Variants in GABRA5 observed in about 807,000 individuals in gnomAD.
GABRA5 encodes the protein gamma-aminobutyric acid receptor subunit alpha-5.
GABRA5 carries 18 observed loss-of-function variants against 47.3 expected under a neutral mutation model. The observed-to-expected ratio is 0.38, with a 90% CI of 0.26 to 0.56. The LOEUF (loss-of-function observed/expected upper bound fraction) is 0.56, where lower values mean the gene tolerates loss of function less well. Among genes scored for constraint, GABRA5 ranks in the 20% least tolerant of loss-of-function variants. The pLI, the probability that GABRA5 is intolerant of heterozygous loss-of-function variation, is 0.71. For missense variants in GABRA5, 365 were observed against 599.3 expected (o/e 0.61, Z 4.08); for synonymous variants, 237 against 229.3 (o/e 1.03, Z -0.30).
At position 26,948,051 on chromosome 15, in the gene GABRA5, G is replaced by T. The variant is rs779166572; in HGVS notation, c.1207G>T (p.Val403Phe). ...AGCAGGGACGTCGAATACAACCTCA[G>T]TCTCAGTAAAACCCTCTGAAGAGAA... ...TPAGTSNTTSVSVKPSEEKTS... is the reference protein window; with the variant it reads ...TPAGTSNTTSFSVKPSEEKTS... Residue 403 changes from valine to phenylalanine, a missense_variant, in exon 11 of 11, where the codon GTC becomes TTC. Val to Phe is a conservative substitution (Grantham distance 50). Coordinates refer to ENST00000335625, the MANE Select transcript of GABRA5 (RefSeq NM_000810.4). 1.9e-6 allele frequency: 3 copies of T among 1,608,306 alleles called. No individual in the cohort carries two copies. In the African/African-American group the frequency reaches 4.0e-5, roughly 21 times the overall value.
At chr15:26,896,108 G>A (rs1893187637) in intron 6 of GABRA5, among the ~76,000 whole-genome samples, 1 of 152,104 alleles carries the variant, frequency 6.6e-6, no homozygotes, top group Admixed American at 6.5e-5. Context: ...TCCTTTGCCC[G>A]ACATCATACA....
intron 6 of GABRA5, among the ~76,000 whole-genome samples, chr15:26,888,322 C>A (rs9744196): frequency 0.37 from 56,455 of 152,092 alleles, 11,042 homozygotes; most frequent in Non-Finnish European, 0.43. Context: ...TGAACAATTT[C>A]TTTGAGGACC....
chr15:26,880,781 A>G, intron 3 of GABRA5, 65 bp from the exon 4 acceptor site: 1 of 1,559,946 alleles, frequency 6.4e-7, no homozygotes, highest in South Asian at 1.2e-5. Context: ...TGGTTTCTGT[A>G]TCTTGAGAAG....
chr15:26,868,424 A>T (rs1378221545), intron 1 of GABRA5, among the ~76,000 whole-genome samples: 1 of 152,216 alleles, frequency 6.6e-6, no homozygotes, highest in Non-Finnish European at 1.5e-5. Context: ...TTTTCGAAGC[A>T]TACTGTTCGG....
At chr15:26,944,457 C>T (rs1036226743) in intron 10 of GABRA5, among the ~76,000 whole-genome samples, 7 of 152,150 alleles carry the variant, frequency 4.6e-5, no homozygotes, top group African/African-American at 1.7e-4. Context: ...TGGAGGAAGG[C>T]CTGGCAGGAC....
intron 3 of GABRA5, among the ~76,000 whole-genome samples, chr15:26,873,788 G>C (rs937556200): frequency 6.6e-6 from 1 of 152,186 alleles, no homozygotes; most frequent in Admixed American, 6.5e-5. Context: ...AAAGCACTCA[G>C]AAAGCCCACT....
At chr15:26,880,523 C>T (rs1892702364) in intron 3 of GABRA5, 1 of 195,812 alleles carries the variant, frequency 5.1e-6, no homozygotes, top group Admixed American at 5.7e-5. Flanking sequence ...GGATTAGGCT[C>T]TGCCAGTCCA....
chr15:26,890,937 TC>T (rs1475449255), intron 6 of GABRA5, among the ~76,000 whole-genome samples: 1 of 152,202 alleles, frequency 6.6e-6, no homozygotes, highest in Admixed American at 6.5e-5. Context: ...AATGTCTGGT[TC>T]ACAGACATGT....
intron 6 of GABRA5, among the ~76,000 whole-genome samples, chr15:26,896,982 T>TG (rs2140275698): frequency 1.5e-5 from 1 of 66,684 alleles, no homozygotes; most frequent in South Asian, 4.6e-4. Flanking sequence ...TCTCTACATC[T>TG]TAGAGATGTA....
intron 3 of GABRA5, among the ~76,000 whole-genome samples, chr15:26,879,043 C>CT (rs1208750769): frequency 8.5e-5 from 13 of 152,326 alleles, no homozygotes; most frequent in Admixed American, 3.9e-4. Context: ...ACAGCCAGGG[C>CT]TGTTACCATC....
In GABRA5 at chr15:26,937,769, T is replaced by A. The variant is rs1454143609; in HGVS notation, c.724+441T>A. Among the ~76,000 whole-genome samples the A allele has an allele frequency of 3.9e-5, 6 of 152,210 alleles. No homozygotes were observed. In the South Asian group the frequency reaches 1.2e-3, roughly 32 times the overall value. On this transcript the variant is annotated intron_variant, in intron 8 of 10. Coordinates refer to ENST00000335625, the MANE Select transcript of GABRA5 (RefSeq NM_000810.4). ...ACAAGAAGGAAGCAGATGCTCTCAA[T>A]GCCAAGTGCCCTGGGCTGGCCTGAG...
chr15:26,943,149 G>A, intron 9 of GABRA5, 66 bp from the exon 10 acceptor site: 5 of 1,147,696 alleles, frequency 4.4e-6, no homozygotes, highest in African/African-American at 3.2e-5. Flanking sequence ...ATGTTGTACT[G>A]GGGTCCTGGG....
intron 3 of GABRA5, among the ~76,000 whole-genome samples, chr15:26,872,654 T>C (rs1379869372): frequency 6.6e-6 from 1 of 152,070 alleles, no homozygotes; most frequent in East Asian, 1.9e-4. Flanking sequence ...CATCAAAGGG[T>C]TTAATTTGAA....
intron 6 of GABRA5, among the ~76,000 whole-genome samples, chr15:26,893,433 G>GTA (rs1566870579): frequency 6.7e-6 from 1 of 150,364 alleles, no homozygotes; most frequent in Admixed American, 6.6e-5. Flanking sequence ...TATGGTGTGT[G>GTA]GCGTGTGTGT....
chr15:26,906,211 T>G (rs1035742654), intron 6 of GABRA5, among the ~76,000 whole-genome samples: 1 of 151,930 alleles, frequency 6.6e-6, no homozygotes, highest in Non-Finnish European at 1.5e-5. Context: ...AAATCTGTAT[T>G]GTTTGTTCTA....
chr15:26,914,857 G>A lies in GABRA5; in HGVS notation c.552G>A (p.Ala184=), dbSNP rs371369517. The change falls in exon 7 of 11, where the codon GCG becomes GCA. Residue 184 remains alanine (A), a synonymous_variant. Coordinates refer to ENST00000335625, the MANE Select transcript of GABRA5 (RefSeq NM_000810.4). ...AGCTTGAGGACTTCCCGATGGATGC[G>A]CACGCTTGCCCTCTGAAATTTGGCA... The part of the protein sequence containing the change: ...PMQLEDFPMD[A]HACPLKFGSY... 81 of 1,613,804 alleles carry A rather than the reference G, an allele frequency of 5.0e-5. No homozygotes were observed. The highest frequency in any genetic ancestry group is 1.6e-4 in the Middle Eastern group (1 of 6,082).
intron 7 of GABRA5, among the ~76,000 whole-genome samples, chr15:26,935,241 T>C (rs1055161919): frequency 2.2e-4 from 34 of 152,366 alleles, no homozygotes; most frequent in Admixed American, 9.8e-4. Context: ...TCATTATTAA[T>C]GCTATTAACA....
At chr15:26,942,815 G>C (rs192622132) in intron 9 of GABRA5, among the ~76,000 whole-genome samples, 1 of 152,334 alleles carries the variant, frequency 6.6e-6, no homozygotes, top group African/African-American at 2.4e-5. Context: ...GGAAGGCGCA[G>C]GCTGGGATTA....
intron 3 of GABRA5, among the ~76,000 whole-genome samples, chr15:26,875,126 G>A (rs1892561455): frequency 6.6e-6 from 1 of 152,234 alleles, no homozygotes; most frequent in East Asian, 1.9e-4. Context: ...TATGCCAAAT[G>A]CTCAAGCAAG....
Sources: allele counts gnomAD v4.1 joint callset (sites outside exome capture counted in the v4.1 genomes callset), GRCh38; gene constraint gnomAD v4.1.1; transcripts MANE v1.5; gene names NCBI Gene and HGNC (gene_info 2026-07-23, HGNC 2026-07-21).